The following RAI1 variants were observed in gnomAD, a reference collection of about 807,000 sequenced individuals.
The protein encoded by RAI1 is retinoic acid induced 1, also known as retinoic acid-induced protein 1.
A neutral mutation model predicts 123.8 loss-of-function variants in RAI1; 9 were observed. The observed-to-expected ratio is 0.07, with a 90% CI of 0.04 to 0.13. The LOEUF is 0.13. Ranked by LOEUF, RAI1 falls within the 10% of genes least tolerant of loss-of-function variation. The pLI, the probability that RAI1 is intolerant of heterozygous loss-of-function variation, is 1.00. For synonymous variants in RAI1, 1,231 were observed against 1,127.3 expected (o/e 1.09, Z -1.84); for missense variants, 2,256 against 2,545.8 (o/e 0.89, Z 2.45).
chr17:17,741,089 G>GCA (rs1443643563), intron 2 of RAI1, among the ~76,000 whole-genome samples: 5,660 of 149,474 alleles, frequency 0.038, 329 homozygotes, highest in African/African-American at 0.13. Flanking sequence ...ACAAGCGCGC[G>GCA]CGCACACACA....
chr17:17,694,946 G>T (rs1184349082), intron 1 of RAI1, among the ~76,000 whole-genome samples: 1 of 151,962 alleles, frequency 6.6e-6, no homozygotes, highest in Non-Finnish European at 1.5e-5. Context: ...GCCAGGCGGC[G>T]CGCATCTCTG....
chr17:17,758,907 G>A (rs1422713983), intron 2 of RAI1, among the ~76,000 whole-genome samples: 1 of 152,184 alleles, frequency 6.6e-6, no homozygotes, highest in Non-Finnish European at 1.5e-5. Context: ...AGGCTGACCT[G>A]TTTTGGTGGG....
chr17:17,728,045 CTGTGTG>C (rs143414744), intron 2 of RAI1, among the ~76,000 whole-genome samples: 4 of 151,328 alleles, frequency 2.6e-5, no homozygotes, highest in African/African-American at 9.7e-5. Flanking sequence ...ATGCGTGCCT[CTGTGTG>C]TGTGTGTGTC....
chr17:17,710,235 C>G (rs184597344), intron 1 of RAI1, among the ~76,000 whole-genome samples: 1 of 152,204 alleles, frequency 6.6e-6, no homozygotes, highest in Non-Finnish European at 1.5e-5. Flanking sequence ...GGGGCTTTAG[C>G]CACAAAAAAA....
At chr17:17,697,577 C>T (rs1915080859) in intron 1 of RAI1, among the ~76,000 whole-genome samples, 2 of 152,214 alleles carry the variant, frequency 1.3e-5, no homozygotes. Flanking sequence ...ATTTATTTAT[C>T]TGGATTTGCT....
intron 1 of RAI1, among the ~76,000 whole-genome samples, chr17:17,694,936 G>C (rs958167604): frequency 6.6e-6 from 1 of 152,086 alleles, no homozygotes; most frequent in African/African-American, 2.4e-5. Flanking sequence ...GGGTTACCGG[G>C]CCAGGCGGCG....
chr17:17,755,469 C>T (rs981621629), intron 2 of RAI1, among the ~76,000 whole-genome samples: 2 of 152,176 alleles, frequency 1.3e-5, no homozygotes, highest in Non-Finnish European at 2.9e-5. Flanking sequence ...CACCAACTTG[C>T]CCCAGCTGGG....
chr17:17,731,682 G>A (rs1170972631), intron 2 of RAI1, among the ~76,000 whole-genome samples: 1 of 152,064 alleles, frequency 6.6e-6, no homozygotes, highest in Non-Finnish European at 1.5e-5. Context: ...TGGGGTGTGG[G>A]CTGGATGAGA....
chr17:17,737,370 C>CAGG (rs1916464659), intron 2 of RAI1, among the ~76,000 whole-genome samples: 2 of 152,134 alleles, frequency 1.3e-5, no homozygotes, highest in Admixed American at 1.3e-4. Flanking sequence ...TCCTGCTGAG[C>CAGG]TGCAGAGTGG....
At chr17:17,781,308 A>G (rs1396210567) in intron 2 of RAI1, among the ~76,000 whole-genome samples, 1 of 152,088 alleles carries the variant, frequency 6.6e-6, no homozygotes, top group East Asian at 1.9e-4. Context: ...ACGGGTTCCT[A>G]TGCCTGTGGG....
chr17:17,733,666 C>T (rs1916337034), intron 2 of RAI1, among the ~76,000 whole-genome samples: 1 of 152,204 alleles, frequency 6.6e-6, no homozygotes, highest in African/African-American at 2.4e-5. Flanking sequence ...AGTGCTCGTT[C>T]TCTCTAAGAC....
chr17:17,795,504 C>T lies in RAI1; in HGVS notation c.2556C>T (p.Asp852=). The change falls in exon 3 of 6, where the codon GAC becomes GAT. Residue 852 remains aspartate, a synonymous_variant. Coordinates refer to ENST00000353383, the MANE Select transcript of RAI1 (RefSeq NM_030665.4). This position sits in a 1 kb window ranked among gnomAD's most constrained non-coding sequence, Gnocchi z 5.9. ...GCTGTTCCACCGCCGACTTCGGGGA[C>T]CTCCCACTGCTGCCACCCACCAGCA... ...RHCCSTADFG[D]LPLLPPTSRK... 10 of 1,589,908 alleles carry T rather than the reference C, an allele frequency of 6.3e-6. No individual in the cohort carries two copies. The highest frequency in any genetic ancestry group is 8.6e-6 in the Non-Finnish European group (10 of 1,168,214).
intron 2 of RAI1, among the ~76,000 whole-genome samples, chr17:17,738,787 G>A (rs1336015740): frequency 1.3e-5 from 2 of 152,198 alleles, no homozygotes; most frequent in Non-Finnish European, 2.9e-5. Context: ...CCTTCTGGGT[G>A]TCAGTCTTCT....
chr17:17,792,764 G>T (rs572999636), intron 2 of RAI1, among the ~76,000 whole-genome samples, 169 bp from the exon 3 acceptor site: 3 of 123,054 alleles, frequency 2.4e-5, no homozygotes, highest in Non-Finnish European at 4.9e-5. Flanking sequence ...GCGAAGGGGG[G>T]ACTATTAAGA....
Position 17,809,266 on chromosome 17 carries a change from G to GAA in RAI1, c.5660-121_5660-120dup. ...TTGTGCAGAATCTGATTAACTCTTT[G>GAA]AAAAGAGCCCCTGCAGTCTGGAGCC... On this transcript the variant is annotated intron_variant, in intron 4 of 5. Transcript: ENST00000353383. The surrounding 1 kb of genome is among the most constrained non-coding windows in gnomAD (Gnocchi z 4.9). 1.2e-6 allele frequency: 1 copy of GAA among 854,448 alleles called. No individual in the cohort carries two copies. The highest frequency in any genetic ancestry group is 2.0e-6 in the Non-Finnish European group (1 of 496,498). The allele number at this position is 854,448 out of a possible 1,614,324, so 52.9% of individuals were successfully genotyped here.
At chr17:17,746,188 G>A (rs915139286) in intron 2 of RAI1, among the ~76,000 whole-genome samples, 6 of 152,312 alleles carry the variant, frequency 3.9e-5, no homozygotes, top group African/African-American at 7.2e-5. Flanking sequence ...AGCCAAGCCC[G>A]GCAGATGCCC....
At position 17,724,082 on chromosome 17, in the gene RAI1, A is replaced by G. The variant is rs1268713284; in HGVS notation, c.-94A>G. On this transcript the variant is annotated 5_prime_UTR_variant, in exon 2 of 6. Transcript: ENST00000353383. ...AGGCGAGAGGGAGAGCGTGCGCGAG[A>G]GGAGAGAGACGGCGGGGGAAAGGGA... 6.7e-6 allele frequency: 1 copy of G among 148,764 alleles called. No homozygotes were observed. The highest frequency in any genetic ancestry group is 2.5e-5 in the African/African-American group (1 of 40,234). 9.2% of individuals were successfully genotyped at this position (148,764 alleles called of 1,614,324 possible).
At chr17:17,709,586 T>C (rs958322784) in intron 1 of RAI1, among the ~76,000 whole-genome samples, 1 of 152,074 alleles carries the variant, frequency 6.6e-6, no homozygotes, top group African/African-American at 2.4e-5. Context: ...GCCCACTAGG[T>C]CTCTTTCCTT....
intron 2 of RAI1, among the ~76,000 whole-genome samples, chr17:17,724,922 G>A (rs1916028923): frequency 1.3e-5 from 2 of 152,166 alleles, no homozygotes; most frequent in African/African-American, 4.8e-5. Context: ...CCTGCCCAGT[G>A]GCCCCCCTGC....
Sources: gnomAD v4.1 joint callset for allele counts (sites outside exome capture counted in the v4.1 genomes callset) on GRCh38, gnomAD v4.1.1 for gene constraint, Gnocchi (gnomAD v3.1) non-coding constraint, MANE v1.5 for transcripts, NCBI Gene and HGNC (gene_info 2026-07-23, HGNC 2026-07-21) for gene names.